GTF2F2: variants seen among roughly 807,000 people sequenced by gnomAD.
GTF2F2 encodes ATP-dependent helicase GTF2F2.
Under a neutral mutation model 42.2 loss-of-function variants are expected in GTF2F2, and 23 were observed. The observed-to-expected ratio is 0.55, with a 90% CI of 0.39 to 0.77. The LOEUF (loss-of-function observed/expected upper bound fraction) is 0.77. Among genes scored for constraint, GTF2F2 ranks in the 30% least tolerant of loss-of-function variants. The pLI, the probability that GTF2F2 is intolerant of heterozygous loss-of-function variation, is 0.00. For missense variants in GTF2F2, 261 were observed against 287.2 expected (o/e 0.91, Z 0.66); for synonymous variants, 105 against 100.8 (o/e 1.04, Z -0.25).
chr13:45,259,679 A>T (rs1175253831), intron 6 of GTF2F2, among the ~76,000 whole-genome samples: 2 of 112,028 alleles, frequency 1.8e-5, no homozygotes, highest in East Asian at 2.9e-4. Flanking sequence ...TTTTTGTGAG[A>T]CAGAGTCTCG....
At chr13:45,182,354 C>T (rs188550126) in intron 4 of GTF2F2, among the ~76,000 whole-genome samples, 2 of 152,182 alleles carry the variant, frequency 1.3e-5, no homozygotes, top group Admixed American at 1.3e-4. Flanking sequence ...GCCTCGGCCT[C>T]CCAAAGTGCT....
chr13:45,235,805 A>G (rs1422699005), intron 5 of GTF2F2, among the ~76,000 whole-genome samples: 2 of 151,846 alleles, frequency 1.3e-5, no homozygotes, highest in Admixed American at 6.6e-5. Context: ...GGGTTTCACC[A>G]TGTTGACCGT....
At chr13:45,275,295 A>G (rs1876983205) in intron 7 of GTF2F2, among the ~76,000 whole-genome samples, 1 of 152,032 alleles carries the variant, frequency 6.6e-6, no homozygotes. Context: ...TGGATATAAA[A>G]TGGTGTTTAT....
intron 5 of GTF2F2, among the ~76,000 whole-genome samples, chr13:45,243,928 T>C (rs554294678): frequency 2.6e-5 from 4 of 152,346 alleles, no homozygotes; most frequent in Non-Finnish European, 5.9e-5. Flanking sequence ...CCCAAAGTGC[T>C]GGGATTACAG....
intron 4 of GTF2F2, among the ~76,000 whole-genome samples, chr13:45,158,772 A>C (rs938427777): frequency 6.6e-6 from 1 of 152,228 alleles, no homozygotes; most frequent in East Asian, 1.9e-4. Flanking sequence ...TATAGCATTG[A>C]GCACATCTGT....
intron 1 of GTF2F2, among the ~76,000 whole-genome samples, chr13:45,124,911 T>A (rs552611525): frequency 6.6e-6 from 1 of 152,106 alleles, no homozygotes; most frequent in Admixed American, 6.5e-5. Context: ...AACTCCTGAT[T>A]TCAAGTGATC....
chr13:45,177,878 A>G (rs1871961581), intron 4 of GTF2F2, among the ~76,000 whole-genome samples: 1 of 152,174 alleles, frequency 6.6e-6, no homozygotes, highest in Non-Finnish European at 1.5e-5. Context: ...AAGAGTCCAC[A>G]GTCTTGTTTT....
intron 7 of GTF2F2, among the ~76,000 whole-genome samples, chr13:45,273,641 T>TAA (rs1458168278): frequency 3.4e-5 from 5 of 145,340 alleles, no homozygotes; most frequent in African/African-American, 1.3e-4. Context: ...CACTTGATTT[T>TAA]AAAGAGTGGT....
At chr13:45,171,866 CTTT>C (rs35742068) in intron 4 of GTF2F2, among the ~76,000 whole-genome samples, 2 of 140,776 alleles carry the variant, frequency 1.4e-5, no homozygotes, top group Admixed American at 7.1e-5. Context: ...CTTTTGTGAC[CTTT>C]TTTTTTTTTT....
intron 6 of GTF2F2, among the ~76,000 whole-genome samples, chr13:45,253,925 T>G (rs919840774): frequency 2.0e-5 from 3 of 151,970 alleles, no homozygotes; most frequent in Non-Finnish European, 4.4e-5. Flanking sequence ...ATACAAAAAT[T>G]AGTCGGGCAT....
intron 4 of GTF2F2, among the ~76,000 whole-genome samples, chr13:45,169,044 G>A (rs757333294): frequency 2.7e-5 from 4 of 150,882 alleles, no homozygotes; most frequent in Non-Finnish European, 4.4e-5. Context: ...TGCCCAGGCT[G>A]GGATTTCTCC....
At chr13:45,148,735 A>G (rs1057446062) in intron 2 of GTF2F2, among the ~76,000 whole-genome samples, 2 of 152,140 alleles carry the variant, frequency 1.3e-5, no homozygotes, top group Non-Finnish European at 2.9e-5. Context: ...TGTAAGAGGT[A>G]TTTAATACAT....
At chr13:45,235,436 T>C (rs1027379126) in intron 5 of GTF2F2, among the ~76,000 whole-genome samples, 4 of 152,106 alleles carry the variant, frequency 2.6e-5, no homozygotes, top group Admixed American at 6.5e-5. Context: ...TGAGTTTTCT[T>C]CTGACTTCTT....
intron 4 of GTF2F2, among the ~76,000 whole-genome samples, chr13:45,197,486 G>T (rs1037821058): frequency 5.5e-5 from 8 of 145,514 alleles, no homozygotes; most frequent in African/African-American, 2.1e-4. Flanking sequence ...TCCAGTCTGG[G>T]CAACACAGTA....
intron 1 of GTF2F2, chr13:45,124,131 C>T (rs552082580): frequency 5.5e-4 from 374 of 676,306 alleles, no homozygotes; most frequent in Non-Finnish European, 8.1e-4. Flanking sequence ...CCAGCCCCAG[C>T]ATCTAAGGTG....
At chr13:45,272,231 T>C (rs1411099525) in intron 7 of GTF2F2, among the ~76,000 whole-genome samples, 1 of 151,110 alleles carries the variant, frequency 6.6e-6, no homozygotes, top group East Asian at 1.9e-4. Flanking sequence ...TTTTAGAATA[T>C]GAAATGTGAT....
chr13:45,249,328 G>C (rs951846516), intron 5 of GTF2F2, among the ~76,000 whole-genome samples: 5 of 152,068 alleles, frequency 3.3e-5, no homozygotes, highest in African/African-American at 1.2e-4. Context: ...CCTTGTGGTT[G>C]CCTTTTAAAT....
Position 45,143,471 on chromosome 13 carries a change from G to C in GTF2F2, c.141-6299G>C, listed in dbSNP as rs114323061. ...GAGGAGATGATATTAATACCTCATA[G>C]GTTCAAATGCATGTAAAATACGTAG... On this transcript the variant is annotated intron_variant, in intron 2 of 7. Coordinates refer to ENST00000340473, the MANE Select transcript of GTF2F2 (RefSeq NM_004128.3). 1.1e-3 allele frequency among the ~76,000 whole-genome samples: 173 copies of C among 152,270 alleles called. 1 individual carries two copies. The highest frequency in any genetic ancestry group is 3.9e-3 in the African/African-American group (163 of 41,546).
At chr13:45,184,863 A>T (rs2138161068) in intron 4 of GTF2F2, among the ~76,000 whole-genome samples, 1 of 152,032 alleles carries the variant, frequency 6.6e-6, no homozygotes, top group East Asian at 1.9e-4. Flanking sequence ...CCCAGGCAGG[A>T]AGTGCAGTGG....
Sources: gnomAD v4.1 joint callset for allele counts (sites outside exome capture counted in the v4.1 genomes callset) on GRCh38, gnomAD v4.1.1 for gene constraint, MANE v1.5 for transcripts, NCBI Gene and HGNC (gene_info 2026-07-23, HGNC 2026-07-21) for gene names.